LRRC7: variants seen among roughly 807,000 people sequenced by gnomAD.
LRRC7 encodes the protein leucine rich repeat containing 7, also known as leucine-rich repeat-containing protein 7.
Under a neutral mutation model 175.7 loss-of-function variants are expected in LRRC7, and 23 were observed. The ratio of observed to expected loss-of-function variants is 0.13; its 90% confidence interval spans 0.09 to 0.19. LRRC7 has a LOEUF of 0.19. Ranked by LOEUF, LRRC7 falls within the 10% of genes least tolerant of loss-of-function variation. The pLI, the probability that LRRC7 is intolerant of heterozygous loss-of-function variation, is 1.00. For synonymous variants in LRRC7, 685 were observed against 680.9 expected, an observed-to-expected ratio of 1.01 and a Z score of -0.09; for missense variants, 1,354 against 1,904.7, an observed-to-expected ratio of 0.71 and a Z score of 5.38.
rs541773962 is a variant in LRRC7, at chr1:69,627,511, C to G, written c.3-50870C>G. Among the ~76,000 whole-genome samples, 4 of 152,070 alleles carry G rather than the reference C, an allele frequency of 2.6e-5. 1 individual carries two copies. The South Asian group carries it at 8.3e-4, about 32-fold the overall frequency. ...ATGGGTAGATTGCAAATATTTTCTC[C>G]CATTCTGTAGGTTGCCTGTTCAATC... On this transcript the variant is annotated intron_variant, in intron 1 of 26. Coordinates refer to ENST00000651989, the MANE Select transcript of LRRC7 (RefSeq NM_001370785.2).
At chr1:69,745,335 A>G (rs1669139657) in intron 2 of LRRC7, among the ~76,000 whole-genome samples, 1 of 151,932 alleles carries the variant, frequency 6.6e-6, no homozygotes, top group South Asian at 2.1e-4. Flanking sequence ...TAAACCTACC[A>G]TCTGTTGGCA....
chr1:69,798,058 A>G (rs1676007300), intron 4 of LRRC7, among the ~76,000 whole-genome samples: 1 of 152,032 alleles, frequency 6.6e-6, no homozygotes, highest in South Asian at 2.1e-4. Context: ...AGTAGCTGGG[A>G]TTACAGGCGC....
At chr1:69,952,988 G>A (rs554131051) in intron 8 of LRRC7, among the ~76,000 whole-genome samples, 81 of 115,108 alleles carry the variant, frequency 7.0e-4, no homozygotes, top group African/African-American at 2.9e-3. Context: ...GTTTGTAGGA[G>A]AGACAAGGCA....
At chr1:69,914,267 T>C (rs1646621484) in intron 7 of LRRC7, among the ~76,000 whole-genome samples, 1 of 152,212 alleles carries the variant, frequency 6.6e-6, no homozygotes, top group Admixed American at 6.5e-5. Context: ...GCCAAATTCA[T>C]GTGGCTTCAG....
chr1:69,863,721 C>T (rs981363371), intron 7 of LRRC7, among the ~76,000 whole-genome samples: 2 of 152,118 alleles, frequency 1.3e-5, no homozygotes, highest in African/African-American at 2.4e-5. Context: ...ATTACCATTG[C>T]ATTAGTTCAG....
intron 5 of LRRC7, among the ~76,000 whole-genome samples, chr1:69,833,235 T>C (rs915782649): frequency 1.3e-5 from 2 of 152,220 alleles, no homozygotes; most frequent in African/African-American, 4.8e-5. Context: ...TTAAATCTAA[T>C]ACTAATTTTT....
intron 1 of LRRC7, among the ~76,000 whole-genome samples, chr1:69,617,514 C>A (rs1224676454): frequency 5.3e-5 from 6 of 112,386 alleles, no homozygotes; most frequent in African/African-American, 1.7e-4. Context: ...GTGCAAAAAT[C>A]TTTGTGAGCT....
chr1:69,865,620 A>G (rs1684863159), intron 7 of LRRC7, among the ~76,000 whole-genome samples: 1 of 151,346 alleles, frequency 6.6e-6, no homozygotes. Context: ...GGCTGGGACT[A>G]CAGGCGCCCG....
intron 11 of LRRC7, among the ~76,000 whole-genome samples, chr1:69,998,664 C>T (rs1384746185): frequency 1.3e-5 from 2 of 152,066 alleles, no homozygotes; most frequent in Non-Finnish European, 2.9e-5. Flanking sequence ...TGGTATTTGC[C>T]TCTTATGTTC....
chr1:70,098,633 G>A (rs1236793081), intron 25 of LRRC7, among the ~76,000 whole-genome samples: 1 of 151,900 alleles, frequency 6.6e-6, no homozygotes, highest in Non-Finnish European at 1.5e-5. Context: ...AAATGATAAA[G>A]GGGATATCAC....
At chr1:70,096,070 C>T (rs1384170032) in intron 25 of LRRC7, among the ~76,000 whole-genome samples, 4 of 151,890 alleles carry the variant, frequency 2.6e-5, no homozygotes, top group African/African-American at 9.7e-5. Context: ...CTCTGCCTCC[C>T]GGGTTCAAGC....
At chr1:69,669,685 G>T (rs1658776895) in intron 1 of LRRC7, among the ~76,000 whole-genome samples, 2 of 152,080 alleles carry the variant, frequency 1.3e-5, no homozygotes, top group Non-Finnish European at 2.9e-5. Context: ...CCTCTTTAAG[G>T]CCAGTAAGTT....
At chr1:69,888,285 G>A (rs557632817) in intron 7 of LRRC7, among the ~76,000 whole-genome samples, 52 of 152,288 alleles carry the variant, frequency 3.4e-4, no homozygotes, top group Non-Finnish European at 6.2e-4. Context: ...GTGGGCGTAG[G>A]ACCCTCGGAT....
At chr1:69,791,114 A>T (rs1675060509) in intron 3 of LRRC7, among the ~76,000 whole-genome samples, 1 of 152,040 alleles carries the variant, frequency 6.6e-6, no homozygotes. Flanking sequence ...TAGAAATGTC[A>T]AACAGAAAAG....
At chr1:69,937,233 G>A (rs558350578) in intron 8 of LRRC7, among the ~76,000 whole-genome samples, 9 of 151,970 alleles carry the variant, frequency 5.9e-5, no homozygotes, top group African/African-American at 2.2e-4. Context: ...AACTATCATT[G>A]TCTGATTCCT....
chr1:69,817,317 A>T (rs1452684497), intron 4 of LRRC7, among the ~76,000 whole-genome samples: 1 of 151,904 alleles, frequency 6.6e-6, no homozygotes, highest in African/African-American at 2.4e-5. Context: ...TTTGTGTATT[A>T]TCTAAGATAA....
At chr1:70,105,709 G>A (rs1255310556) in intron 25 of LRRC7, among the ~76,000 whole-genome samples, 3 of 151,946 alleles carry the variant, frequency 2.0e-5, no homozygotes, top group Non-Finnish European at 2.9e-5. Flanking sequence ...TGTAATTTTT[G>A]TTATTATAAA....
At chr1:69,718,115 AAG>A (rs757612395) in intron 2 of LRRC7, among the ~76,000 whole-genome samples, 1 of 83,750 alleles carries the variant, frequency 1.2e-5, no homozygotes. Context: ...GAGAAAAAGA[AAG>A]AAAGAAAGAA....
At chr1:69,864,729 A>G (rs1684726252) in intron 7 of LRRC7, among the ~76,000 whole-genome samples, 1 of 152,314 alleles carries the variant, frequency 6.6e-6, no homozygotes, top group East Asian at 1.9e-4. Context: ...GAACTTTGTA[A>G]CTGAAGAAGA....
Sources: gnomAD v4.1 joint callset for allele counts (sites outside exome capture counted in the v4.1 genomes callset) on GRCh38, gnomAD v4.1.1 for gene constraint, MANE v1.5 for transcripts, NCBI Gene and HGNC (gene_info 2026-07-23, HGNC 2026-07-21) for gene names.